KCND2: variants seen among roughly 807,000 people sequenced by gnomAD.
The protein encoded by KCND2 is A-type voltage-gated potassium channel KCND2.
In KCND2, 16 loss-of-function variants were observed where a neutral mutation model predicts 54.4. The ratio of observed to expected loss-of-function variants is 0.29; its 90% confidence interval spans 0.20 to 0.45. The LOEUF (loss-of-function observed/expected upper bound fraction) is 0.45, where lower values mean the gene tolerates loss of function less well. Ranked by LOEUF, KCND2 falls within the 20% of genes least tolerant of loss-of-function variation. KCND2 has a pLI of 1.00. For missense variants in KCND2, 486 were observed against 824.2 expected (o/e 0.59, Z 5.02); for synonymous variants, 317 against 310.7 (o/e 1.02, Z -0.21).
intron 1 of KCND2, among the ~76,000 whole-genome samples, chr7:120,374,694 C>T (rs1483225839): frequency 6.6e-6 from 1 of 151,830 alleles, no homozygotes; most frequent in Admixed American, 6.6e-5. Flanking sequence ...CTTTGCCTTT[C>T]CTTTCAGCCT....
intron 1 of KCND2, among the ~76,000 whole-genome samples, chr7:120,561,467 T>C (rs1221582679): frequency 6.6e-6 from 1 of 152,084 alleles, no homozygotes; most frequent in Non-Finnish European, 1.5e-5. Context: ...GTATAACTAT[T>C]GTCATCTGTA....
chr7:120,281,587 T>C (rs1170895534), intron 1 of KCND2, among the ~76,000 whole-genome samples: 2 of 152,180 alleles, frequency 1.3e-5, no homozygotes, highest in Non-Finnish European at 2.9e-5. Flanking sequence ...ACGTCATTTA[T>C]AGTTGGAATT....
At chr7:120,368,835 G>A (rs1227587213) in intron 1 of KCND2, among the ~76,000 whole-genome samples, 1 of 152,052 alleles carries the variant, frequency 6.6e-6, no homozygotes, top group Non-Finnish European at 1.5e-5. Flanking sequence ...TAGGATAAAG[G>A]ACAGAATTAA....
intron 2 of KCND2, among the ~76,000 whole-genome samples, chr7:120,735,600 C>T (rs1441505903): frequency 6.6e-6 from 1 of 151,928 alleles, no homozygotes; most frequent in Non-Finnish European, 1.5e-5. Flanking sequence ...TTTTGGTCTA[C>T]TAAATATTAA....
intron 1 of KCND2, among the ~76,000 whole-genome samples, chr7:120,608,072 A>G (rs188966082): frequency 4.0e-4 from 61 of 151,884 alleles, no homozygotes; most frequent in African/African-American, 1.4e-3. Flanking sequence ...AATTAGACCT[A>G]TGTGCCAGAA....
intron 1 of KCND2, among the ~76,000 whole-genome samples, chr7:120,476,788 T>C (rs750681241): frequency 1.6e-4 from 25 of 152,144 alleles, no homozygotes; most frequent in Non-Finnish European, 1.2e-4. Context: ...CAATGCAACC[T>C]AATAAAATGG....
At chr7:120,351,408 A>T (rs201680815) in intron 1 of KCND2, among the ~76,000 whole-genome samples, 14,601 of 88,772 alleles carry the variant, frequency 0.16, 893 homozygotes, top group Non-Finnish European at 0.18. Context: ...ACACACACAC[A>T]CACACTCTCT....
intron 1 of KCND2, among the ~76,000 whole-genome samples, chr7:120,419,956 T>C (rs528347345): frequency 3.4e-5 from 5 of 147,784 alleles, no homozygotes; most frequent in African/African-American, 7.5e-5. Context: ...TCTTTTTTTT[T>C]CCCTCCCTTC....
At chr7:120,534,432 T>A (rs1208411854) in intron 1 of KCND2, among the ~76,000 whole-genome samples, 2 of 152,050 alleles carry the variant, frequency 1.3e-5, no homozygotes, top group Non-Finnish European at 2.9e-5. Flanking sequence ...AACCACCAAA[T>A]GAGTATTCCT....
At chr7:120,658,516 T>C (rs1405915720) in intron 1 of KCND2, among the ~76,000 whole-genome samples, 1 of 152,234 alleles carries the variant, frequency 6.6e-6, no homozygotes, top group Admixed American at 6.5e-5. Flanking sequence ...TTGTTTGTTT[T>C]CAATATTATT....
At chr7:120,675,027 AAAAC>A (rs1792040503) in intron 1 of KCND2, among the ~76,000 whole-genome samples, 1 of 152,120 alleles carries the variant, frequency 6.6e-6, no homozygotes, top group Non-Finnish European at 1.5e-5. Context: ...AAAAAAAAAA[AAAAC>A]TTTTTCTACC....
chr7:120,476,083 A>G (rs536054691), intron 1 of KCND2, among the ~76,000 whole-genome samples: 1 of 152,332 alleles, frequency 6.6e-6, no homozygotes, highest in South Asian at 2.1e-4. Flanking sequence ...TTGAGTTTCT[A>G]TGAGGCCCCA....
intron 1 of KCND2, among the ~76,000 whole-genome samples, chr7:120,343,334 T>C (rs1467726459): frequency 6.6e-6 from 1 of 152,118 alleles, no homozygotes; most frequent in African/African-American, 2.4e-5. Flanking sequence ...ATATATGGAC[T>C]CTGTGGCATA....
At chr7:120,709,060 C>A (rs966837909) in intron 1 of KCND2, among the ~76,000 whole-genome samples, 6 of 152,086 alleles carry the variant, frequency 3.9e-5, no homozygotes, top group Non-Finnish European at 7.4e-5. Flanking sequence ...CACCATGTTA[C>A]CCTGTCCGTG....
At chr7:120,435,692 C>T (rs988693021) in intron 1 of KCND2, among the ~76,000 whole-genome samples, 3 of 151,810 alleles carry the variant, frequency 2.0e-5, no homozygotes, top group Non-Finnish European at 2.9e-5. Context: ...TCTGAACCAC[C>T]GAACAGAACC....
intron 1 of KCND2, among the ~76,000 whole-genome samples, chr7:120,514,605 T>G (rs1474348816): frequency 6.6e-6 from 1 of 152,164 alleles, no homozygotes; most frequent in East Asian, 1.9e-4. Flanking sequence ...TTGTTTGTTT[T>G]TTTACTGATT....
intron 1 of KCND2, among the ~76,000 whole-genome samples, chr7:120,654,365 T>A (rs1791774822): frequency 6.6e-6 from 1 of 152,228 alleles, no homozygotes; most frequent in Non-Finnish European, 1.5e-5. Context: ...GATACTTGTA[T>A]CTTGCTGGCT....
At chr7:120,474,631 TG>T (rs1459757758) in intron 1 of KCND2, among the ~76,000 whole-genome samples, 2 of 152,048 alleles carry the variant, frequency 1.3e-5, no homozygotes, top group South Asian at 2.1e-4. Context: ...CCCAAAGTGC[TG>T]GGATTACAGG....
At chr7:120,620,197 A>C (rs568404720) in intron 1 of KCND2, among the ~76,000 whole-genome samples, 1 of 152,184 alleles carries the variant, frequency 6.6e-6, no homozygotes, top group African/African-American at 2.4e-5. Flanking sequence ...TTTAAATGCT[A>C]CCATTCATTC....
Sources: gnomAD v4.1 joint callset for allele counts (sites outside exome capture counted in the v4.1 genomes callset) on GRCh38, gnomAD v4.1.1 for gene constraint, MANE v1.5 for transcripts, NCBI Gene and HGNC (gene_info 2026-07-23, HGNC 2026-07-21) for gene names.